SLC67A2: variants seen among roughly 807,000 people sequenced by gnomAD.
The protein encoded by SLC67A2 is solute carrier family 67 member 2, also known as solute carrier family 67 member A2.
At chr2:102,728,178 C>T in the SLC67A2 span, among the ~76,000 whole-genome samples, 2 of 152,140 alleles carry the variant, frequency 1.3e-5, no homozygotes, top group Non-Finnish European at 2.9e-5. Flanking sequence ...AAACACTATA[C>T]TATCAATGGA....
the SLC67A2 span, chr2:102,732,572 G>A: frequency 1.7e-6 from 1 of 581,326 alleles, no homozygotes; most frequent in African/African-American, 1.9e-5. Context: ...GCTGCCACTT[G>A]CAAATGCCTG....
the SLC67A2 span, among the ~76,000 whole-genome samples, chr2:102,733,658 TACACATTTAAAA>T: frequency 1.3e-5 from 2 of 152,300 alleles, no homozygotes; most frequent in Admixed American, 6.5e-5. Context: ...CACTGATGTT[TACACATTTAAAA>T]GACTCAAAAT....
chr2:102,723,246 G>C, the SLC67A2 span, among the ~76,000 whole-genome samples: 1 of 152,220 alleles, frequency 6.6e-6, no homozygotes, highest in African/African-American at 2.4e-5. Context: ...AGAGGCGGCG[G>C]ATCGCATGAG....
chr2:102,724,324 C>T, the SLC67A2 span, among the ~76,000 whole-genome samples: 1 of 152,138 alleles, frequency 6.6e-6, no homozygotes, highest in Non-Finnish European at 1.5e-5. Context: ...ACTCTATGGC[C>T]AGCCCTAAGG....
chr2:102,716,057 C>T, the SLC67A2 span: 1 of 152,090 alleles, frequency 6.6e-6, no homozygotes, highest in Non-Finnish European at 1.5e-5. Context: ...AAGAGGAAGA[C>T]ATTAGATAAA....
the SLC67A2 span, chr2:102,726,794 G>A: frequency 6.5e-7 from 1 of 1,526,950 alleles, no homozygotes; most frequent in Non-Finnish European, 8.8e-7. Context: ...CACATATTGA[G>A]GTTCTGGGGG....
At chr2:102,732,783 T>C in the SLC67A2 span, among the ~76,000 whole-genome samples, 12 of 152,378 alleles carry the variant, frequency 7.9e-5, no homozygotes, top group African/African-American at 2.9e-4. Context: ...AAGTGGCTAA[T>C]GTCCTAGGAC....
chr2:102,726,790 T>C, the SLC67A2 span: 41 of 1,517,412 alleles, frequency 2.7e-5, no homozygotes, highest in Non-Finnish European at 3.2e-5. Flanking sequence ...GTTTCACATA[T>C]TGAGGTTCTG....
the SLC67A2 span, among the ~76,000 whole-genome samples, chr2:102,721,042 T>C: frequency 1.4e-3 from 217 of 152,272 alleles, 2 homozygotes; most frequent in African/African-American, 5.0e-3. Context: ...GTTTCTTATG[T>C]TGGAAAAACA....
chr2:102,722,772 A>T, the SLC67A2 span, among the ~76,000 whole-genome samples: 1 of 152,196 alleles, frequency 6.6e-6, no homozygotes, highest in African/African-American at 2.4e-5. Flanking sequence ...AAGTGGAACT[A>T]CCTGAAACGA....
At chr2:102,729,264 A>G in the SLC67A2 span, among the ~76,000 whole-genome samples, 6 of 152,206 alleles carry the variant, frequency 3.9e-5, no homozygotes, top group Non-Finnish European at 5.9e-5. Flanking sequence ...AAAAGGGTAG[A>G]GTCATAGTTA....
chr2:102,736,521 G>C, the SLC67A2 span: 1 of 1,593,510 alleles, frequency 6.3e-7, no homozygotes, highest in Non-Finnish European at 8.5e-7. Flanking sequence ...TAGGTAGTGA[G>C]GCACTCACCA....
the SLC67A2 span, among the ~76,000 whole-genome samples, chr2:102,731,224 A>T: frequency 1.8e-4 from 28 of 152,188 alleles, no homozygotes; most frequent in Non-Finnish European, 3.5e-4. Context: ...CTACTTGGAA[A>T]AATGGAAGTA....
the SLC67A2 span, chr2:102,719,021 C>T: frequency 1.8e-5 from 29 of 1,614,106 alleles, no homozygotes; most frequent in East Asian, 2.5e-4. Flanking sequence ...CTTCATGTTC[C>T]GCAAGGCCAA....
chr2:102,726,591 T>C, the SLC67A2 span, among the ~76,000 whole-genome samples: 209 of 151,968 alleles, frequency 1.4e-3, no homozygotes, highest in African/African-American at 4.6e-3. Flanking sequence ...AGGCTTTAGA[T>C]ATAGACATAG....
chr2:102,736,808 C>T, the SLC67A2 span: 1 of 1,600,288 alleles, frequency 6.2e-7, no homozygotes, highest in Non-Finnish European at 8.5e-7. Flanking sequence ...CCCCAAGCTC[C>T]ATACCCGCGC....
At chr2:102,721,560 A>G in the SLC67A2 span, among the ~76,000 whole-genome samples, 1 of 152,194 alleles carries the variant, frequency 6.6e-6, no homozygotes, top group Non-Finnish European at 1.5e-5. Context: ...TCGTTTATGA[A>G]GTCATTTATC....
chr2:102,724,819 G>C, the SLC67A2 span, among the ~76,000 whole-genome samples: 2 of 152,172 alleles, frequency 1.3e-5, no homozygotes. Context: ...TCCCAGCTCT[G>C]CCTCAAAAGT....
At chr2:102,722,016 T>A in the SLC67A2 span, among the ~76,000 whole-genome samples, 2 of 152,220 alleles carry the variant, frequency 1.3e-5, no homozygotes, top group Non-Finnish European at 2.9e-5. Flanking sequence ...CAATGTGTAT[T>A]CTGCACAGGG....
Sources: gnomAD v4.1 joint callset for allele counts (sites outside exome capture counted in the v4.1 genomes callset) on GRCh38, gnomAD v4.1.1 for gene constraint, MANE v1.5 for transcripts, NCBI Gene and HGNC (gene_info 2026-07-23, HGNC 2026-07-21) for gene names.